Variants in TMEM220 observed in about 807,000 individuals in gnomAD.
The protein encoded by TMEM220 is transmembrane protein 220.
In TMEM220, 21 loss-of-function variants were observed where a neutral mutation model predicts 21.7. That is an observed-to-expected ratio of 0.97 (90% CI 0.69 to 1.39). The LOEUF (loss-of-function observed/expected upper bound fraction) is 1.39. TMEM220 is among the 40% of genes most tolerant of loss of function. The pLI, the probability that TMEM220 is intolerant of heterozygous loss-of-function variation, is 0.00. For synonymous variants in TMEM220, 80 were observed against 73.6 expected (o/e 1.09, Z -0.45); for missense variants, 191 against 201.9 (o/e 0.95, Z 0.33).
intron 4 of TMEM220, chr17:10,724,597 G>C (rs62060721): frequency 6.4e-6 from 1 of 157,106 alleles, no homozygotes; most frequent in Admixed American, 6.1e-5. Context: ...AAAAAAAAAG[G>C]ACTGACCTCT....
rs1567582891 is a variant in TMEM220, at chr17:10,713,554, G to GC, written c.*1898_*1899insG. ...CCACAGGGAATTTGCAAATGAGTCT[G>GC]TTTTTTTTTTGCATGTGACTTCAGT... On this transcript the variant is annotated 3_prime_UTR_variant, in exon 6 of 6. Transcript: ENST00000341871. The GC allele has an allele frequency of 9.2e-6, 1 of 108,368 alleles. No homozygotes were observed. Among genetic ancestry groups the GC allele is most frequent in the Non-Finnish European group, 1.9e-5 (1 of 53,554 alleles). 6.7% of individuals were successfully genotyped at this position (108,368 alleles called of 1,614,324 possible).
In TMEM220 at chr17:10,725,051, G is replaced by C. The variant is rs770228955; in HGVS notation, c.247C>G (p.His83Asp). The C allele has an allele frequency of 6.2e-7, 1 of 1,614,020 alleles. No individual in the cohort carries two copies. Among genetic ancestry groups the C allele is most frequent in the Non-Finnish European group, 8.5e-7 (1 of 1,180,030 alleles). The change falls in exon 4 of 6, where the codon CAT becomes GAT. Residue 83 changes from histidine (H) to aspartate (D), a missense_variant. By Grantham distance (81) the His-to-Asp change is moderately conservative. Transcript: ENST00000341871. ...WAVGLASYLL[H>D]RTQQNILHEE... ...TGTAAGATGTTCTGTTGTGTACGAT[G>C]CAAGAGGTAGGACGCCAAGCCAACA...
chr17:10,715,863 A>C, intron 5 of TMEM220: 1 of 348,442 alleles, frequency 2.9e-6, no homozygotes, highest in East Asian at 6.1e-5. Context: ...TCTTTTCCTA[A>C]TGATTTTTGT....
At chr17:10,715,609 T>C (rs1321573226) in intron 5 of TMEM220, 21 bp from the exon 6 acceptor site, 2 of 1,541,642 alleles carry the variant, frequency 1.3e-6, no homozygotes, top group East Asian at 2.3e-5. Flanking sequence ...ACAAAAATTA[T>C]TATAAATAAA....
At chr17:10,726,370 GC>G (rs2075049615) in intron 2 of TMEM220, 106 bp from the exon 3 acceptor site, 3 of 924,758 alleles carry the variant, frequency 3.2e-6, no homozygotes, top group Non-Finnish European at 5.3e-6. Context: ...TGGCTGCTGT[GC>G]CCCATGATTT....
Position 10,720,024 on chromosome 17 carries a change from C to T in TMEM220, c.347+3246G>A, listed in dbSNP as rs144200419. ...CAAGCTAAAACTACCCCTTTCTCAACGATCCGATTAGTAAAAATTCAAGAT... is the reference window on the plus strand; with the variant it reads ...CAAGCTAAAACTACCCCTTTCTCAATGATCCGATTAGTAAAAATTCAAGAT... On this transcript the variant is annotated intron_variant, in intron 5 of 5. Coordinates refer to ENST00000341871, the MANE Select transcript of TMEM220 (RefSeq NM_001004313.3). Among the ~76,000 whole-genome samples the T allele has an allele frequency of 5.1e-3, 772 of 152,298 alleles. 8 individuals carry two copies. The highest frequency in any genetic ancestry group is 0.018 in the African/African-American group (750 of 41,556).
chr17:10,724,897 A>G, intron 4 of TMEM220, 114 bp downstream of exon 4: 1 of 1,431,492 alleles, frequency 7.0e-7, no homozygotes, highest in Non-Finnish European at 9.7e-7. Context: ...CCTCCTCCAC[A>G]GGGTACACTG....
At chr17:10,719,014 T>C (rs1037446761) in intron 5 of TMEM220, among the ~76,000 whole-genome samples, 4 of 152,252 alleles carry the variant, frequency 2.6e-5, no homozygotes, top group African/African-American at 7.2e-5. Flanking sequence ...AAGATGATTG[T>C]GGCTTTTTCC....
Position 10,715,441 on chromosome 17 carries a change from T to C in TMEM220, c.*12A>G. ...AAAATATTCATTTTAAAAACGAAGT[T>C]CTTGAATTTATTTAAATTACTGTCT... On this transcript the variant is annotated 3_prime_UTR_variant, in exon 6 of 6. Transcript: ENST00000341871. The C allele has an allele frequency of 6.3e-7, 1 of 1,576,660 alleles. No individual in the cohort carries two copies.
chr17:10,723,146 A>G, intron 5 of TMEM220, 124 bp downstream of exon 5: 1 of 823,966 alleles, frequency 1.2e-6, no homozygotes, highest in Non-Finnish European at 2.0e-6. Flanking sequence ...ACACAGGGCT[A>G]ATTTTCTGTA....
chr17:10,717,730 TA>T (rs1485051699), intron 5 of TMEM220, among the ~76,000 whole-genome samples: 6 of 152,234 alleles, frequency 3.9e-5, no homozygotes. Context: ...AAGTTGGTAT[TA>T]TTTTTTTCCT....
In TMEM220 at chr17:10,729,980, G is replaced by A. The variant is rs1263840490; in HGVS notation, c.-129C>T. The A allele has an allele frequency of 1.1e-5, 13 of 1,214,392 alleles. No homozygotes were observed. Among genetic ancestry groups the A allele is most frequent in the Middle Eastern group, 2.6e-4 (1 of 3,774 alleles). 75.2% of individuals were successfully genotyped at this position (1,214,392 alleles called of 1,614,324 possible). On this transcript the variant is annotated 5_prime_UTR_variant, in exon 1 of 6. Coordinates refer to ENST00000341871, the MANE Select transcript of TMEM220 (RefSeq NM_001004313.3). ...CCCGCCTCGGTTTCGGTGCCTTGGGGACACTGCCGTGGCCGTCGCTCCGCC... is the reference window on the plus strand; with the variant it reads ...CCCGCCTCGGTTTCGGTGCCTTGGGAACACTGCCGTGGCCGTCGCTCCGCC...
At chr17:10,726,890 G>T (rs976751481) in intron 2 of TMEM220, among the ~76,000 whole-genome samples, 1 of 152,178 alleles carries the variant, frequency 6.6e-6, no homozygotes, top group Non-Finnish European at 1.5e-5. Flanking sequence ...ACTTACTATT[G>T]TGTGTGTTGT....
chr17:10,726,125 G>T, intron 3 of TMEM220, 79 bp downstream of exon 3: 1 of 1,183,804 alleles, frequency 8.4e-7, no homozygotes, highest in Non-Finnish European at 1.3e-6. Flanking sequence ...TTTTACTCCT[G>T]GGAGTTGGGC....
chr17:10,720,410 G>C (rs1030641099), intron 5 of TMEM220, among the ~76,000 whole-genome samples: 1 of 152,184 alleles, frequency 6.6e-6, no homozygotes, highest in African/African-American at 2.4e-5. Context: ...AACTGGAAAA[G>C]CAAGTGGAAT....
intron 5 of TMEM220, among the ~76,000 whole-genome samples, chr17:10,721,611 AAAAAAAAAGAAAAAAAGAAAAAAAAG>A (rs1329945526): frequency 7.4e-6 from 1 of 135,486 alleles, no homozygotes; most frequent in Non-Finnish European, 1.5e-5. Flanking sequence ...TCTCAAAAAA[AAAAAAAAAGAAAAAAAGAAAAAAAAG>A]AAAAAAAAAA....
chr17:10,713,105 T>C (rs566348551), downstream of TMEM220, among the ~76,000 whole-genome samples: 29 of 152,032 alleles, frequency 1.9e-4, no homozygotes, highest in African/African-American at 6.8e-4. Context: ...ACCCCGTCTC[T>C]ACTAAAAATA....
chr17:10,726,295 G>C, intron 2 of TMEM220, 31 bp from the exon 3 acceptor site: 1 of 1,555,720 alleles, frequency 6.4e-7, no homozygotes, highest in South Asian at 1.1e-5. Context: ...AATTACATGA[G>C]TTAAGATGTA....
chr17:10,718,192 CTG>C (rs1366556263), intron 5 of TMEM220, among the ~76,000 whole-genome samples: 3 of 152,114 alleles, frequency 2.0e-5, no homozygotes, highest in Non-Finnish European at 2.9e-5. Context: ...TGTTGGTAAA[CTG>C]TATTTTTTCA....
Sources: allele counts gnomAD v4.1 joint callset (sites outside exome capture counted in the v4.1 genomes callset), GRCh38; gene constraint gnomAD v4.1.1; transcripts MANE v1.5; gene names NCBI Gene and HGNC (gene_info 2026-07-23, HGNC 2026-07-21).